Variants in GLRA1 observed in about 807,000 individuals in gnomAD.
GLRA1 encodes the protein glycine receptor alpha 1.
In GLRA1, 37 loss-of-function variants were observed where a neutral mutation model predicts 48.3. The observed-to-expected ratio is 0.77, with a 90% CI of 0.59 to 1.01. The LOEUF is 1.01. GLRA1 is among the 50% of genes least tolerant of loss of function. The pLI is 0.00. For synonymous variants in GLRA1, 196 were observed against 210.7 expected, an observed-to-expected ratio of 0.93 and a Z score of 0.60; for missense variants, 427 against 571.0, an observed-to-expected ratio of 0.75 and a Z score of 2.57.
chr5:151,902,447 C>G (rs1483446667), intron 1 of GLRA1, among the ~76,000 whole-genome samples: 1 of 151,948 alleles, frequency 6.6e-6, no homozygotes, highest in East Asian at 1.9e-4. Context: ...TTTGTTTTAC[C>G]CTTTTCTCAG....
intron 7 of GLRA1, among the ~76,000 whole-genome samples, chr5:151,845,063 C>T (rs1181706321): frequency 1.3e-5 from 2 of 152,126 alleles, no homozygotes; most frequent in Non-Finnish European, 2.9e-5. Flanking sequence ...TCTTGGGATA[C>T]ATATGCAGAA....
chr5:151,919,421 A>T (rs1754818770), intron 1 of GLRA1, among the ~76,000 whole-genome samples: 1 of 152,216 alleles, frequency 6.6e-6, no homozygotes, highest in African/African-American at 2.4e-5. Context: ...TCATCATAAT[A>T]AACATTTCCC....
At chr5:151,855,556 T>C (rs1753018874) in intron 5 of GLRA1, among the ~76,000 whole-genome samples, 1 of 152,160 alleles carries the variant, frequency 6.6e-6, no homozygotes, top group Non-Finnish European at 1.5e-5. Context: ...GACTAACCAC[T>C]GGCTGGGGTA....
At chr5:151,868,560 C>T (rs1367814562) in intron 3 of GLRA1, among the ~76,000 whole-genome samples, 3 of 152,146 alleles carry the variant, frequency 2.0e-5, no homozygotes, top group Non-Finnish European at 2.9e-5. Flanking sequence ...AGAGCCCAAG[C>T]GTTTAACCAG....
chr5:151,830,292 C>T (rs1402534836), intron 7 of GLRA1, among the ~76,000 whole-genome samples: 1 of 152,160 alleles, frequency 6.6e-6, no homozygotes, highest in Non-Finnish European at 1.5e-5. Flanking sequence ...TGAAGTTTGC[C>T]CCGTGTGAAC....
intron 7 of GLRA1, among the ~76,000 whole-genome samples, chr5:151,839,024 C>T (rs978294143): frequency 2.6e-5 from 4 of 152,210 alleles, no homozygotes; most frequent in Non-Finnish European, 1.5e-5. Context: ...AGAAGCAACT[C>T]CTTTTGTACA....
At chr5:151,884,560 C>T (rs1753849552) in intron 3 of GLRA1, among the ~76,000 whole-genome samples, 1 of 152,190 alleles carries the variant, frequency 6.6e-6, no homozygotes, top group Non-Finnish European at 1.5e-5. Context: ...AGATGTGAAG[C>T]AAATAAGCTC....
chr5:151,897,377 C>G (rs900212631), intron 1 of GLRA1, among the ~76,000 whole-genome samples: 5 of 152,036 alleles, frequency 3.3e-5, no homozygotes, highest in Admixed American at 6.6e-5. Context: ...GACAGAGGAG[C>G]TGGGAATGAA....
chr5:151,824,508 A>G (rs910688849), intron 8 of GLRA1, among the ~76,000 whole-genome samples: 1 of 152,118 alleles, frequency 6.6e-6, no homozygotes, highest in Non-Finnish European at 1.5e-5. Context: ...CTGGTGTTCT[A>G]TGCTTTAGTC....
intron 3 of GLRA1, among the ~76,000 whole-genome samples, chr5:151,873,029 C>A (rs1174540420): frequency 6.7e-6 from 1 of 149,654 alleles, no homozygotes; most frequent in Non-Finnish European, 1.5e-5. Flanking sequence ...GAGGGCAAAG[C>A]AGGGGCATTC....
At chr5:151,911,884 AG>A (rs1326488985) in intron 1 of GLRA1, among the ~76,000 whole-genome samples, 1 of 151,914 alleles carries the variant, frequency 6.6e-6, no homozygotes, top group Non-Finnish European at 1.5e-5. Context: ...CTGGAATTAC[AG>A]GCGTGAGCCA....
chr5:151,846,679 T>C (rs1752680022), intron 7 of GLRA1, among the ~76,000 whole-genome samples: 1 of 152,122 alleles, frequency 6.6e-6, no homozygotes, highest in Non-Finnish European at 1.5e-5. Flanking sequence ...AAAAAACAGC[T>C]GGGAGACTGT....
intron 7 of GLRA1, among the ~76,000 whole-genome samples, chr5:151,834,230 A>C (rs1011491763): frequency 1.2e-4 from 19 of 152,144 alleles, no homozygotes; most frequent in Non-Finnish European, 2.4e-4. Flanking sequence ...TGGAAGTAAA[A>C]CATTCCTCAG....
intron 1 of GLRA1, among the ~76,000 whole-genome samples, chr5:151,913,526 G>A (rs55719946): frequency 0.035 from 5,353 of 152,212 alleles, 152 homozygotes; most frequent in Middle Eastern, 0.075. Context: ...TGAGAGTTTC[G>A]TATTATGTTA....
intron 1 of GLRA1, 138 bp downstream of exon 1, chr5:151,924,356 C>CG: frequency 1.4e-6 from 1 of 706,558 alleles, no homozygotes. Context: ...AGAAGGGAGA[C>CG]GGGGGATGGA....
chr5:151,860,301 T>G (rs750764469), intron 3 of GLRA1, among the ~76,000 whole-genome samples: 3 of 152,240 alleles, frequency 2.0e-5, no homozygotes, highest in Non-Finnish European at 4.4e-5. Flanking sequence ...AATTCAAAGA[T>G]GGATGTAATG....
At chr5:151,833,833 A>C (rs1763493636) in intron 7 of GLRA1, among the ~76,000 whole-genome samples, 1 of 150,382 alleles carries the variant, frequency 6.6e-6, no homozygotes, top group African/African-American at 2.5e-5. Flanking sequence ...TTGCAATCCT[A>C]GTTTCTGATA....
At chr5:151,886,894 G>A (rs190041312) in intron 2 of GLRA1, 106 bp from the exon 3 acceptor site, 2 of 845,600 alleles carry the variant, frequency 2.4e-6, no homozygotes, top group African/African-American at 1.7e-5. Context: ...GCCTTTGGTG[G>A]AGGAGATCCT....
At chr5:151,914,769 T>A (rs1754697966) in intron 1 of GLRA1, among the ~76,000 whole-genome samples, 1 of 152,204 alleles carries the variant, frequency 6.6e-6, no homozygotes, top group Admixed American at 6.5e-5. Context: ...TGGGAGCTAG[T>A]GCAATTTCTC....
Sources: gnomAD v4.1 joint callset for allele counts (sites outside exome capture counted in the v4.1 genomes callset) on GRCh38, gnomAD v4.1.1 for gene constraint, MANE v1.5 for transcripts, NCBI Gene and HGNC (gene_info 2026-07-23, HGNC 2026-07-21) for gene names.